Variants in ADGRE3 observed in about 807,000 individuals in gnomAD.
The protein encoded by ADGRE3 is EGF-like module receptor 3.
In ADGRE3, 88 loss-of-function variants were observed where a neutral mutation model predicts 80.1. That is an observed-to-expected ratio of 1.10 (90% CI 0.93 to 1.31). The LOEUF is 1.31. Among genes scored for constraint, ADGRE3 ranks in the 40% most tolerant of loss-of-function variants. The pLI is 0.00. For missense variants in ADGRE3, 715 were observed against 776.5 expected (o/e 0.92, Z 0.94); for synonymous variants, 281 against 294.8 (o/e 0.95, Z 0.48).
chr19:14,617,204 C>T (rs997396414), downstream of ADGRE3, among the ~76,000 whole-genome samples: 1 of 147,820 alleles, frequency 6.8e-6, no homozygotes, highest in Admixed American at 6.8e-5. Context: ...GAACATGTGT[C>T]CTCTCTTTTC....
intron 4 of ADGRE3, among the ~76,000 whole-genome samples, chr19:14,661,564 C>T (rs756890183): frequency 6.6e-6 from 1 of 152,170 alleles, no homozygotes; most frequent in Non-Finnish European, 1.5e-5. Context: ...CCTTTCTCAC[C>T]CCCTTATTTC....
chr19:14,643,647 G>A (rs79998310), intron 9 of ADGRE3, among the ~76,000 whole-genome samples: 1 of 152,088 alleles, frequency 6.6e-6, no homozygotes, highest in African/African-American at 2.4e-5. Context: ...ACTTTCCTGG[G>A]AGAGGACACT....
chr19:14,606,952 A>G, the ADGRE3 span: 2 of 1,089,746 alleles, frequency 1.8e-6, no homozygotes, highest in Admixed American at 3.9e-5. Context: ...CCTGAGGGTC[A>G]TGTAGAGGAA....
downstream of ADGRE3, among the ~76,000 whole-genome samples, chr19:14,616,792 ATTTT>A (rs34403316): frequency 3.1e-5 from 4 of 127,494 alleles, no homozygotes; most frequent in Admixed American, 8.1e-5. Context: ...TTTTTCTAGA[ATTTT>A]TTTTTTTTTT....
intron 7 of ADGRE3, 137 bp downstream of exon 7, chr19:14,650,948 T>A: frequency 1.0e-6 from 1 of 976,988 alleles, no homozygotes; most frequent in East Asian, 2.6e-5. Flanking sequence ...TTTTTTTTTT[T>A]TAAAGGGAAA....
At chr19:14,632,027 A>G (rs1386793465) in intron 13 of ADGRE3, among the ~76,000 whole-genome samples, 2 of 152,248 alleles carry the variant, frequency 1.3e-5, no homozygotes, top group African/African-American at 2.4e-5. Flanking sequence ...CAACATAAAA[A>G]TACTCATACC....
rs1425358935 is a variant in ADGRE3 at position 14,651,082 on chromosome 19, T to C, written c.697+3A>G. ...GGATTCTGAATGCAGCCATCAGGCA[T>C]ACCTTGTGTGTCTCCCTGGATGATG... On this transcript the variant is annotated splice_donor_region_variant and intron_variant, in intron 7 of 15. Coordinates refer to ENST00000253673, the MANE Select transcript of ADGRE3 (RefSeq NM_032571.5). 2 of 1,614,050 alleles carry C rather than the reference T, an allele frequency of 1.2e-6. No individual in the cohort carries two copies. The highest frequency in any genetic ancestry group is 1.1e-5 in the South Asian group (1 of 91,078).
rs770320312 is a variant in ADGRE3 at position 14,633,004 on chromosome 19, T to C, written c.1560A>G (p.Leu520=). 24 of 1,613,222 alleles carry C rather than the reference T, an allele frequency of 1.5e-5. No individual in the cohort carries two copies. Among genetic ancestry groups the C allele is most frequent in the African/African-American group, 8.0e-5 (6 of 74,986 alleles). Residue 520 remains leucine (L), a synonymous_variant, in exon 13 of 16, where the codon TTA becomes TTG. Coordinates refer to ENST00000253673, the MANE Select transcript of ADGRE3 (RefSeq NM_032571.5). ...GPVCAIFSAN[L]VLFILVFWIL... Reference sequence around the variant, plus strand: ...TCCAAAAGACCAAGATAAACAATACTAAATTCGCCTGCAGGACCAACACAA... The same window carrying C: ...TCCAAAAGACCAAGATAAACAATACCAAATTCGCCTGCAGGACCAACACAA...
chr19:14,657,749 T>TTG (rs1555762023), intron 5 of ADGRE3, among the ~76,000 whole-genome samples: 24 of 142,646 alleles, frequency 1.7e-4, no homozygotes, highest in Middle Eastern at 3.5e-3. Flanking sequence ...ATATATATTT[T>TTG]TTTGTTTGTT....
chr19:14,653,472 T>C (rs1024847346), intron 6 of ADGRE3, among the ~76,000 whole-genome samples: 3 of 152,010 alleles, frequency 2.0e-5, no homozygotes, highest in African/African-American at 7.3e-5. Context: ...ATCATAATTA[T>C]AGCAATTACT....
In ADGRE3 at chr19:14,663,492, T is replaced by A. The variant is rs1181488470; in HGVS notation, c.125A>T (p.His42Leu). ...PPNASCVNNTHCTCNHGYTSG... is the reference protein window; with the variant it reads ...PPNASCVNNTLCTCNHGYTSG... ...AGTATATCCATGGTTGCAGGTGCAG[T>A]GAGTGTTATTGACACAGGAAGCATT... The change falls in exon 3 of 16, where the codon CAC becomes CTC. Residue 42 changes from histidine to leucine, a missense_variant. Transcript: ENST00000253673. 1.2e-6 allele frequency: 2 copies of A among 1,613,544 alleles called. No homozygotes were observed. Among genetic ancestry groups the A allele is most frequent in the Admixed American group, 3.3e-5 (2 of 59,996 alleles).
chr19:14,636,125 T>C (rs796169154), intron 11 of ADGRE3, among the ~76,000 whole-genome samples: 1 of 46,380 alleles, frequency 2.2e-5, no homozygotes, highest in Non-Finnish European at 5.0e-5. Flanking sequence ...TTTCTTTCTT[T>C]CTTTCTTTCT....
intron 1 of ADGRE3, among the ~76,000 whole-genome samples, chr19:14,671,633 T>C (rs4555272): frequency 1 from 151,786 of 152,192 alleles, 75,694 homozygotes; most frequent in Middle Eastern, 1. Flanking sequence ...TTTTTCTTCC[T>C]GTAATTCTCA....
At chr19:14,662,488 C>T (rs1319500179) in intron 3 of ADGRE3, among the ~76,000 whole-genome samples, 3 of 152,092 alleles carry the variant, frequency 2.0e-5, no homozygotes, top group Non-Finnish European at 2.9e-5. Context: ...TGAGTTCAAG[C>T]GATTCTCCTG....
At chr19:14,671,035 G>T (rs1194725505) in intron 1 of ADGRE3, among the ~76,000 whole-genome samples, 1 of 152,212 alleles carries the variant, frequency 6.6e-6, no homozygotes, top group Non-Finnish European at 1.5e-5. Context: ...AGTGGTATGT[G>T]ACTTGGTCAT....
chr19:14,618,198 A>C (rs1322058760), downstream of ADGRE3, among the ~76,000 whole-genome samples: 7 of 152,214 alleles, frequency 4.6e-5, no homozygotes, highest in South Asian at 2.1e-4. Flanking sequence ...TGACTAAGTC[A>C]AGCTAATTAA....
At position 14,674,613 on chromosome 19, in the gene ADGRE3, C is replaced by A. The variant is rs1972343916; in HGVS notation, c.25+133G>T. ...TTGAATAGGGTAGTCAGGAAGGAAA[C>A]CACACTCCAAAGGGAAAAGGTGAGA... On this transcript the variant is annotated intron_variant, in intron 1 of 15. Coordinates refer to ENST00000253673, the MANE Select transcript of ADGRE3 (RefSeq NM_032571.5). 11 of 842,264 alleles carry A rather than the reference C, an allele frequency of 1.3e-5. No individual in the cohort carries two copies. The South Asian group carries it at 2.1e-4, about 16-fold the overall frequency. The allele number at this position is 842,264 out of a possible 1,614,324, so 52.2% of individuals were successfully genotyped here. A position where few individuals can be genotyped will look rare whatever the true frequency, so the allele number is the denominator to read the frequency against.
chr19:14,666,599 G>A (rs1281580895), intron 2 of ADGRE3, among the ~76,000 whole-genome samples: 1 of 152,052 alleles, frequency 6.6e-6, no homozygotes, highest in Admixed American at 6.6e-5. Flanking sequence ...CTGGTCTCAA[G>A]CTCCTGACTT....
At chr19:14,635,705 G>A (rs1971018496) in intron 11 of ADGRE3, among the ~76,000 whole-genome samples, 1 of 152,004 alleles carries the variant, frequency 6.6e-6, no homozygotes, top group South Asian at 2.1e-4. Context: ...GAGTCACTGC[G>A]CCCAGCTTTT....
Sources: allele counts gnomAD v4.1 joint callset (sites outside exome capture counted in the v4.1 genomes callset), GRCh38; gene constraint gnomAD v4.1.1; transcripts MANE v1.5; gene names NCBI Gene and HGNC (gene_info 2026-07-23, HGNC 2026-07-21).